Variants in SORCS2 observed in about 807,000 individuals in gnomAD.
SORCS2 encodes the protein VPS10 domain-containing receptor SorCS2.
A neutral mutation model predicts 141.6 loss-of-function variants in SORCS2; 100 were observed. The observed-to-expected ratio is 0.71, with a 90% CI of 0.60 to 0.83. The LOEUF is 0.83. SORCS2 is among the 40% of genes least tolerant of loss of function. The pLI is 0.00. For synonymous variants in SORCS2, 789 were observed against 676.9 expected (o/e 1.17, Z -2.57); for missense variants, 1,646 against 1,560.2 (o/e 1.05, Z -0.93).
intron 1 of SORCS2, among the ~76,000 whole-genome samples, chr4:7,327,413 T>C (rs994501538): frequency 2.0e-5 from 3 of 152,224 alleles, no homozygotes; most frequent in Admixed American, 2.0e-4. Flanking sequence ...GCTCCTCTCT[T>C]GTCTAAAGAC....
At chr4:7,724,585 G>T (rs949946197) in intron 19 of SORCS2, among the ~76,000 whole-genome samples, 1,381 of 96,162 alleles carry the variant, frequency 0.014, 72 homozygotes, top group African/African-American at 0.058. Flanking sequence ...GGTGATGGTG[G>T]TGGTGTTGGT....
chr4:7,217,420 G>A (rs1728428794), intron 1 of SORCS2, among the ~76,000 whole-genome samples: 1 of 152,210 alleles, frequency 6.6e-6, no homozygotes, highest in South Asian at 2.1e-4. Context: ...CAACTCGCCT[G>A]GCTCGTGGCC....
intron 9 of SORCS2, among the ~76,000 whole-genome samples, chr4:7,681,952 C>CG (rs1409481923): frequency 6.6e-6 from 1 of 152,180 alleles, no homozygotes; most frequent in East Asian, 1.9e-4. Context: ...TGGGCATTCC[C>CG]GTGCCTCTTC....
intron 13 of SORCS2, 117 bp from the exon 14 acceptor site, chr4:7,704,060 A>C: frequency 1.3e-6 from 1 of 787,962 alleles, no homozygotes; most frequent in South Asian, 1.5e-5. Context: ...TATCACCTGC[A>C]CTGGCAAGGT....
intron 11 of SORCS2, among the ~76,000 whole-genome samples, chr4:7,691,543 C>G (rs1406366781): frequency 2.0e-5 from 3 of 152,108 alleles, no homozygotes; most frequent in African/African-American, 7.2e-5. Flanking sequence ...TTCCGGAGTT[C>G]CTCTGCATGC....
intron 23 of SORCS2, among the ~76,000 whole-genome samples, chr4:7,730,628 C>A (rs201258659): frequency 6.6e-6 from 1 of 152,166 alleles, no homozygotes; most frequent in African/African-American, 2.4e-5. Context: ...GTGAAAGAGG[C>A]CAGTTGCAAA....
chr4:7,701,424 C>A (rs1577091750), intron 12 of SORCS2, among the ~76,000 whole-genome samples: 2 of 152,284 alleles, frequency 1.3e-5, no homozygotes, highest in African/African-American at 4.8e-5. Context: ...ACTGTGATAA[C>A]CAGGAGGAAA....
intron 14 of SORCS2, among the ~76,000 whole-genome samples, chr4:7,705,111 C>T (rs1235721408): frequency 6.6e-6 from 1 of 152,132 alleles, no homozygotes; most frequent in Non-Finnish European, 1.5e-5. Flanking sequence ...TGGAGTAGGG[C>T]GGACCCTGAT....
intron 2 of SORCS2, chr4:7,433,101 G>A (rs527980462): frequency 3.1e-5 from 13 of 422,416 alleles, no homozygotes; most frequent in South Asian, 2.5e-4. Context: ...AGTGTGTTCC[G>A]GTCCAGTAGA....
intron 1 of SORCS2, among the ~76,000 whole-genome samples, chr4:7,388,045 CACAT>C (rs1723578430): frequency 6.6e-6 from 1 of 151,938 alleles, no homozygotes; most frequent in Non-Finnish European, 1.5e-5. Flanking sequence ...CATGCACACA[CACAT>C]GCACACACAT....
chr4:7,224,858 G>A (rs1305012368), intron 1 of SORCS2, among the ~76,000 whole-genome samples: 1 of 152,224 alleles, frequency 6.6e-6, no homozygotes, highest in African/African-American at 2.4e-5. Flanking sequence ...GGGCCGAACG[G>A]ACCTGGAGGA....
chr4:7,729,888 G>A (rs1474133191), intron 23 of SORCS2, among the ~76,000 whole-genome samples, 176 bp downstream of exon 23: 4 of 152,148 alleles, frequency 2.6e-5, no homozygotes, highest in African/African-American at 9.7e-5. Flanking sequence ...CCCTCTGGAA[G>A]TCACACAGCC....
intron 2 of SORCS2, among the ~76,000 whole-genome samples, chr4:7,486,327 G>A (rs12511909): frequency 0.53 from 80,405 of 151,764 alleles, 21,338 homozygotes; most frequent in African/African-American, 0.56. Flanking sequence ...CCCGCAGGCC[G>A]GCTGGGCCAC....
Position 7,201,886 on chromosome 4 carries a change from G to C in SORCS2, c.480+8760G>C, listed in dbSNP as rs1189914773. ...CCCTTTTGGAAGTCCAGGGAGCAGAGATCCCTGGCTCTGGCCACCGGGAGG... is the reference window on the plus strand; with the variant it reads ...CCCTTTTGGAAGTCCAGGGAGCAGACATCCCTGGCTCTGGCCACCGGGAGG... On this transcript the variant is annotated intron_variant, in intron 1 of 26. Coordinates refer to ENST00000507866, the MANE Select transcript of SORCS2 (RefSeq NM_020777.3). The surrounding 1 kb of genome is among the most constrained non-coding windows in gnomAD (Gnocchi z 4.4). Among the ~76,000 whole-genome samples, 1 of 152,162 alleles carries C rather than the reference G, an allele frequency of 6.6e-6. No individual in the cohort carries two copies. Among genetic ancestry groups the C allele is most frequent in the African/African-American group, 2.4e-5 (1 of 41,438 alleles).
rs546533054 is a variant in SORCS2, at chr4:7,583,231, A to C, written c.648+51602A>C. On this transcript the variant is annotated intron_variant, in intron 3 of 26. Transcript: ENST00000507866. ...TGCCTGAAAGAATTCCCAAGCATCC[A>C]GTGTTCCTTTTCTCATGAGCTTAAA... 1.1e-4 allele frequency among the ~76,000 whole-genome samples: 16 copies of C among 152,278 alleles called. No homozygotes were observed. The South Asian group carries it at 3.1e-3, about 30-fold the overall frequency.
chr4:7,347,218 G>A (rs1720694638), intron 1 of SORCS2, among the ~76,000 whole-genome samples: 1 of 152,190 alleles, frequency 6.6e-6, no homozygotes, highest in African/African-American at 2.4e-5. Context: ...GGGGTCACCT[G>A]TCTCAGGTGG....
rs563415576 is a variant in SORCS2 at position 7,443,057 on chromosome 4, C to G, written c.548+46702C>G. On this transcript the variant is annotated intron_variant, in intron 2 of 26. Transcript: ENST00000507866. ...TCTCTGTGTCCAAATTTCCTTCTTC[C>G]TATGAGAATACCAGTCATTGGATTT... Among the ~76,000 whole-genome samples the G allele has an allele frequency of 2.6e-5, 4 of 152,218 alleles. No individual in the cohort carries two copies. In the South Asian group the frequency reaches 6.2e-4, roughly 24 times the overall value.
chr4:7,406,583 C>G (rs1348268993), intron 2 of SORCS2, among the ~76,000 whole-genome samples: 1 of 151,472 alleles, frequency 6.6e-6, no homozygotes, highest in Non-Finnish European at 1.5e-5. Flanking sequence ...GTTGTTATGT[C>G]TCTTTTTCAT....
intron 2 of SORCS2, among the ~76,000 whole-genome samples, chr4:7,419,007 T>C (rs1725874131): frequency 6.6e-6 from 1 of 152,220 alleles, no homozygotes; most frequent in African/African-American, 2.4e-5. Context: ...CACATAGGTC[T>C]CAAGGCATGG....
Sources: allele counts gnomAD v4.1 joint callset (sites outside exome capture counted in the v4.1 genomes callset), GRCh38; gene constraint gnomAD v4.1.1; non-coding constraint Gnocchi (gnomAD v3.1); transcripts MANE v1.5; gene names NCBI Gene and HGNC (gene_info 2026-07-23, HGNC 2026-07-21).